The following KPNA3 variants were observed in gnomAD, a reference collection of about 807,000 sequenced individuals.
KPNA3 encodes karyopherin subunit alpha 3.
Under a neutral mutation model 73.8 loss-of-function variants are expected in KPNA3, and 13 were observed. The ratio of observed to expected loss-of-function variants is 0.18; its 90% CI spans 0.11 to 0.28. The LOEUF (loss-of-function observed/expected upper bound fraction) is 0.28, where lower values mean the gene tolerates loss of function less well. KPNA3 is among the 10% of genes least tolerant of loss of function. The pLI, the probability that KPNA3 is intolerant of heterozygous loss-of-function variation, is 1.00. For synonymous variants in KPNA3, 186 were observed against 206.9 expected (o/e 0.90, Z 0.87); for missense variants, 360 against 618.1 (o/e 0.58, Z 4.43).
intron 1 of KPNA3, among the ~76,000 whole-genome samples, chr13:49,774,701 T>C (rs1954882451): frequency 6.6e-6 from 1 of 152,240 alleles, no homozygotes; most frequent in African/African-American, 2.4e-5. Context: ...AAGCATATCA[T>C]GTCCTCACAT....
chr13:49,714,142 C>T (rs902709153), intron 10 of KPNA3, among the ~76,000 whole-genome samples: 3 of 151,988 alleles, frequency 2.0e-5, no homozygotes, highest in Non-Finnish European at 4.4e-5. Flanking sequence ...ATAGAATGCA[C>T]AACAGCAAGA....
intron 6 of KPNA3, among the ~76,000 whole-genome samples, chr13:49,725,804 G>A (rs1281525032): frequency 6.6e-6 from 1 of 152,024 alleles, no homozygotes; most frequent in Non-Finnish European, 1.5e-5. Flanking sequence ...ACCACACCTG[G>A]CTCATTTTTG....
chr13:49,726,846 G>A (rs1220888059), intron 6 of KPNA3, among the ~76,000 whole-genome samples: 1 of 152,040 alleles, frequency 6.6e-6, no homozygotes, highest in African/African-American at 2.4e-5. Flanking sequence ...GGGATGCTGG[G>A]CGGGGGTGGG....
intron 1 of KPNA3, among the ~76,000 whole-genome samples, chr13:49,748,351 C>T (rs964411002): frequency 1.3e-5 from 2 of 151,984 alleles, no homozygotes; most frequent in African/African-American, 2.4e-5. Context: ...ATCAGGCATG[C>T]CTTATGGGGA....
intron 1 of KPNA3, among the ~76,000 whole-genome samples, chr13:49,762,427 G>C (rs916580215): frequency 2.6e-5 from 4 of 152,098 alleles, no homozygotes; most frequent in Admixed American, 2.0e-4. Flanking sequence ...ATAGAAAAGG[G>C]GGAAATGTGG....
chr13:49,747,999 T>C (rs532333349), intron 1 of KPNA3, among the ~76,000 whole-genome samples: 5 of 152,318 alleles, frequency 3.3e-5, no homozygotes, highest in African/African-American at 1.2e-4. Flanking sequence ...TAACTCTGAA[T>C]CTTAAGGAGA....
In KPNA3 at chr13:49,777,945, ATAACCCACAT is replaced by A. The variant is rs1438662809; in HGVS notation, c.69+14483_69+14492del. Among the ~76,000 whole-genome samples the A allele has an allele frequency of 3.9e-5, 6 of 152,304 alleles. No homozygotes were observed. The South Asian group carries it at 8.3e-4, about 21-fold the overall frequency. On this transcript the variant is annotated intron_variant, in intron 1 of 16. Coordinates refer to ENST00000261667, the MANE Select transcript of KPNA3 (RefSeq NM_002267.4). ...AACCACATCAACCTGCTTAGCCCAC[ATAACCCACAT>A]TAACCCACATCAACCTGCTTAGCCC...
chr13:49,734,001 C>G (rs1301036192), intron 2 of KPNA3, among the ~76,000 whole-genome samples: 1 of 152,192 alleles, frequency 6.6e-6, no homozygotes, highest in Non-Finnish European at 1.5e-5. Flanking sequence ...AATAAAATGG[C>G]TATTGTTTTA....
At position 49,761,363 on chromosome 13, in the gene KPNA3, C is replaced by T. The variant is rs890017247; in HGVS notation, c.70-14370G>A. Among the ~76,000 whole-genome samples, 6 of 152,304 alleles carry T rather than the reference C, an allele frequency of 3.9e-5. No homozygotes were observed. The East Asian group carries it at 7.7e-4, about 20-fold the overall frequency. On this transcript the variant is annotated intron_variant, in intron 1 of 16. Transcript: ENST00000261667. ...GCCTGATTCTCCCGCCTCAGCCTGC[C>T]GAGTGCCTGCGATTGCAGGCGCACA...
intron 7 of KPNA3, among the ~76,000 whole-genome samples, chr13:49,722,804 A>G (rs969973947): frequency 3.4e-5 from 5 of 148,376 alleles, no homozygotes; most frequent in Non-Finnish European, 5.9e-5. Context: ...AGAAAGCAAC[A>G]GCATGAAATC....
chr13:49,770,841 A>C (rs1954848418), intron 1 of KPNA3, among the ~76,000 whole-genome samples: 1 of 151,184 alleles, frequency 6.6e-6, no homozygotes, highest in Admixed American at 6.6e-5. Flanking sequence ...TACCAAAAAA[A>C]AAAAAAAAAA....
intron 10 of KPNA3, among the ~76,000 whole-genome samples, chr13:49,713,435 A>G (rs920410566): frequency 6.6e-6 from 1 of 152,134 alleles, no homozygotes; most frequent in African/African-American, 2.4e-5. Context: ...ATTGAACTTT[A>G]TACCCTGATA....
At chr13:49,726,570 T>C (rs1055219181) in intron 6 of KPNA3, among the ~76,000 whole-genome samples, 7 of 151,912 alleles carry the variant, frequency 4.6e-5, no homozygotes, top group South Asian at 4.2e-4. Context: ...GGATGGGGCA[T>C]TGAAAAAGGG....
At chr13:49,784,496 A>C (rs1003612103) in intron 1 of KPNA3, among the ~76,000 whole-genome samples, 3 of 152,242 alleles carry the variant, frequency 2.0e-5, no homozygotes, top group Admixed American at 6.5e-5. Flanking sequence ...GGGAGACAAC[A>C]GACTAAAGTT....
chr13:49,704,458 TAAATAAATAAATAAATAAATAAATAGAA>T (rs1282678765), intron 15 of KPNA3, among the ~76,000 whole-genome samples: 6 of 91,266 alleles, frequency 6.6e-5, no homozygotes, highest in African/African-American at 1.5e-4. Context: ...AATAAATAAA[TAAATAAATAAATAAATAAATAAATAGAA>T]AGAAAGAAAT....
chr13:49,719,876 T>C, intron 9 of KPNA3, 57 bp from the exon 10 acceptor site: 1 of 1,114,610 alleles, frequency 9.0e-7, no homozygotes, highest in Non-Finnish European at 1.3e-6. Context: ...TCTGTAAAAA[T>C]GAACAACTTT....
intron 10 of KPNA3, among the ~76,000 whole-genome samples, chr13:49,713,634 A>AACAC (rs66994650): frequency 0.078 from 11,047 of 140,788 alleles, 663 homozygotes; most frequent in African/African-American, 0.17. Context: ...TCTTAGGTGA[A>AACAC]ACACACACAC....
At chr13:49,715,143 T>C (rs915483535) in intron 10 of KPNA3, among the ~76,000 whole-genome samples, 4 of 152,056 alleles carry the variant, frequency 2.6e-5, no homozygotes, top group African/African-American at 7.2e-5. Context: ...AAAACATCTA[T>C]AGTTCAGACA....
intron 10 of KPNA3, 76 bp from the exon 11 acceptor site, chr13:49,711,098 A>C (rs1326496960): frequency 7.2e-7 from 1 of 1,385,364 alleles, no homozygotes; most frequent in African/African-American, 1.5e-5. Context: ...CCTCAGGAGT[A>C]GTGACAGAAA....
Sources: allele counts gnomAD v4.1 joint callset (sites outside exome capture counted in the v4.1 genomes callset), GRCh38; gene constraint gnomAD v4.1.1; transcripts MANE v1.5; gene names NCBI Gene and HGNC (gene_info 2026-07-23, HGNC 2026-07-21).